MIER3: variants seen among roughly 807,000 people sequenced by gnomAD.
MIER3 encodes the protein MIER family member 3.
A neutral mutation model predicts 63.2 loss-of-function variants in MIER3; 9 were observed. The observed-to-expected ratio is 0.14, with a 90% CI of 0.09 to 0.25. MIER3 has a LOEUF of 0.25. Ranked by LOEUF, MIER3 falls within the 10% of genes least tolerant of loss-of-function variation. The pLI is 1.00. For missense variants in MIER3, 512 were observed against 666.2 expected (o/e 0.77, Z 2.55); for synonymous variants, 205 against 224.9 (o/e 0.91, Z 0.79).
At chr5:56,950,780 T>C (rs1750996243) in intron 1 of MIER3, 128 bp from the exon 2 acceptor site, 3 of 1,048,320 alleles carry the variant, frequency 2.9e-6, no homozygotes, top group Non-Finnish European at 2.9e-6. Context: ...AAGACGTAGC[T>C]TCACTCGAAT....
At chr5:56,935,148 A>C (rs562444356) in intron 7 of MIER3, among the ~76,000 whole-genome samples, 1 of 152,304 alleles carries the variant, frequency 6.6e-6, no homozygotes, top group East Asian at 1.9e-4. Context: ...GCCAAGGTAC[A>C]GCACCGTGGG....
chr5:56,952,015 C>T, intron 1 of MIER3, 79 bp downstream of exon 1: 1 of 1,198,402 alleles, frequency 8.3e-7, no homozygotes, highest in East Asian at 4.1e-5. Flanking sequence ...CCCGGATCCC[C>T]CAGGCTGGCT....
intron 3 of MIER3, among the ~76,000 whole-genome samples, chr5:56,939,899 A>G (rs1561241861): frequency 1.3e-5 from 2 of 152,250 alleles, no homozygotes; most frequent in Non-Finnish European, 2.9e-5. Flanking sequence ...GTAGTAGGCT[A>G]CATTAACTAC....
At chr5:56,928,621 G>T in intron 10 of MIER3, 146 bp downstream of exon 10, 1 of 535,526 alleles carries the variant, frequency 1.9e-6, no homozygotes, top group Non-Finnish European at 3.3e-6. Flanking sequence ...GCATCTCTGA[G>T]CAAATTAGTC....
intron 2 of MIER3, among the ~76,000 whole-genome samples, chr5:56,950,372 ATAAT>A (rs1225464532): frequency 6.6e-6 from 1 of 152,208 alleles, no homozygotes; most frequent in African/African-American, 2.4e-5. Flanking sequence ...AAGATATGTA[ATAAT>A]TAAAGCCATA....
intron 3 of MIER3, among the ~76,000 whole-genome samples, chr5:56,946,251 A>G (rs1418592983): frequency 6.6e-6 from 1 of 152,208 alleles, no homozygotes; most frequent in Non-Finnish European, 1.5e-5. Flanking sequence ...GCTGATAAGA[A>G]ATTTTCAAAT....
chr5:56,926,035 C>A (rs1749960152), intron 10 of MIER3, among the ~76,000 whole-genome samples: 1 of 151,848 alleles, frequency 6.6e-6, no homozygotes, highest in South Asian at 2.1e-4. Context: ...TACAACTGGA[C>A]ATCCACATAA....
rs767242426 is a variant in MIER3, at chr5:56,923,240, C to A, written c.1541G>T (p.Ser514Ile). ...DFENHTHHIT[S>I]AKMAVSVADF... ...AGCCACAGAAACAGCCATTTTGGCA[C>A]TGGTGATGTGATGTGTGTGATTTTC... is the stretch of plus-strand genomic sequence containing the variant. Residue 514 changes from serine to isoleucine, a missense_variant, in exon 13 of 13, where the codon AGT (serine) becomes ATT (isoleucine). This residue lies in a region of MIER3 where 218 missense variants were observed against 251.2 expected (regional missense o/e 0.87). Coordinates refer to ENST00000381199, the MANE Select transcript of MIER3 (RefSeq NM_001297599.2). The A allele has an allele frequency of 2.5e-6, 4 of 1,614,086 alleles. No individual in the cohort carries two copies. Among genetic ancestry groups the A allele is most frequent in the South Asian group, 2.2e-5 (2 of 91,078 alleles).
At chr5:56,925,533 G>A in intron 10 of MIER3, 2 of 226,446 alleles carry the variant, frequency 8.8e-6, no homozygotes, top group Admixed American at 5.7e-5. Flanking sequence ...TAAAATACTT[G>A]GGTATAAATA....
chr5:56,934,545 A>C (rs1461831269), intron 7 of MIER3, among the ~76,000 whole-genome samples: 1 of 152,148 alleles, frequency 6.6e-6, no homozygotes, highest in African/African-American at 2.4e-5. Flanking sequence ...TGGTGAGGTG[A>C]GAAGGCTGGC....
Position 56,937,678 on chromosome 5 carries a change from C to A in MIER3, c.336G>T (p.Leu112=), listed in dbSNP as rs752341596. Residue 112 remains leucine, a synonymous_variant, in exon 5 of 13, where the codon CTG becomes CTT. Coordinates refer to ENST00000381199, the MANE Select transcript of MIER3 (RefSeq NM_001297599.2). ...TLDKEEIAKD[L]LSGDDEETQS... is the part of the protein sequence containing the mutation. ...GAGTTTCCTCGTCATCACCTGACAA[C>A]AGGTCTTTTGCTATTTCCTCCTGGA... 1.9e-6 allele frequency: 3 copies of A among 1,609,094 alleles called. No individual in the cohort carries two copies. In the South Asian group the frequency reaches 3.3e-5, roughly 18 times the overall value.
rs77466747 is a variant in MIER3 at position 56,950,852 on chromosome 5, G to A, written c.10-200C>T. 4.6e-5 allele frequency among the ~76,000 whole-genome samples: 7 copies of A among 152,238 alleles called. No individual in the cohort carries two copies. The East Asian group carries it at 5.8e-4, about 13-fold the overall frequency. On this transcript the variant is annotated intron_variant, in intron 1 of 12. Coordinates refer to ENST00000381199, the MANE Select transcript of MIER3 (RefSeq NM_001297599.2). ...TCGCCTTCCTCCCCGAGTCCCAAGTGTACAAACTCACAGACCCGGGACGAA... is the reference window on the plus strand; with the variant it reads ...TCGCCTTCCTCCCCGAGTCCCAAGTATACAAACTCACAGACCCGGGACGAA...
chr5:56,946,851 A>G (rs1750840832), intron 3 of MIER3, 75 bp downstream of exon 3: 6 of 1,128,358 alleles, frequency 5.3e-6, no homozygotes, highest in Non-Finnish European at 7.2e-6. Context: ...TTTTTATTTC[A>G]GGTAGATTAT....
Position 56,923,004 on chromosome 5 carries a change from C to T in MIER3, c.*124G>A, listed in dbSNP as rs1749745457. 2 of 698,998 alleles carry T rather than the reference C, an allele frequency of 2.9e-6. No individual in the cohort carries two copies. The highest frequency in any genetic ancestry group is 4.8e-6 in the Non-Finnish European group (2 of 417,980). 43.3% of individuals were successfully genotyped at this position (698,998 alleles called of 1,614,324 possible). On this transcript the variant is annotated 3_prime_UTR_variant, in exon 13 of 13. Transcript: ENST00000381199. ...TGATAAATCAAGATATAGTTCTATA[C>T]ATACTGACATCACTGATGTCATAGT...
chr5:56,943,053 G>A (rs532935568), intron 3 of MIER3, among the ~76,000 whole-genome samples: 12 of 152,204 alleles, frequency 7.9e-5, no homozygotes, highest in Admixed American at 2.6e-4. Context: ...GCTGAGTGGG[G>A]GAAAACTGCT....
chr5:56,950,813 C>A (rs1750997820), intron 1 of MIER3, among the ~76,000 whole-genome samples, 161 bp from the exon 2 acceptor site: 1 of 152,094 alleles, frequency 6.6e-6, no homozygotes, highest in Non-Finnish European at 1.5e-5. Context: ...CTTTCGGGCC[C>A]CCTCTTGGCT....
chr5:56,951,868 G>C (rs1232654240), intron 1 of MIER3, among the ~76,000 whole-genome samples: 1 of 150,780 alleles, frequency 6.6e-6, no homozygotes, highest in Admixed American at 6.6e-5. Flanking sequence ...GACCGGGGCC[G>C]GAGCCGCCGC....
At chr5:56,950,763 A>C in intron 1 of MIER3, 111 bp from the exon 2 acceptor site, 2 of 1,230,468 alleles carry the variant, frequency 1.6e-6, no homozygotes, top group Non-Finnish European at 2.3e-6. Context: ...GCAGCTGCCA[A>C]AAGTGCAAGA....
rs1749576240 is a variant in MIER3 at position 56,919,711 on chromosome 5, A to G, written c.*3417T>C. 6.5e-6 allele frequency: 1 copy of G among 152,792 alleles called. No homozygotes were observed. The highest frequency in any genetic ancestry group is 1.9e-4 in the East Asian group (1 of 5,190). The allele number at this position is 152,792 out of a possible 1,614,324, so 9.5% of individuals were successfully genotyped here. A position where few individuals can be genotyped will look rare whatever the true frequency, so the allele number is the denominator to read the frequency against. ...TGTTTATGTACAAATATTAAAATCA[A>G]TGCAATAGCAACTTCCTCTTGAACA... On this transcript the variant is annotated 3_prime_UTR_variant, in exon 13 of 13. Transcript: ENST00000381199.
Sources: gnomAD v4.1 joint callset for allele counts (sites outside exome capture counted in the v4.1 genomes callset) on GRCh38, gnomAD v4.1.1 for gene constraint, gnomAD v4.1.1 regional missense constraint, MANE v1.5 for transcripts, NCBI Gene and HGNC (gene_info 2026-07-23, HGNC 2026-07-21) for gene names.